The following ODR4 variants were observed in gnomAD, a reference collection of about 807,000 sequenced individuals.
ODR4 encodes the protein odr-4 GPCR localization factor homolog, also known as protein odr-4 homolog.
ODR4 carries 47 observed loss-of-function variants against 60.2 expected under a neutral mutation model. The ratio of observed to expected loss-of-function variants is 0.78; its 90% CI spans 0.62 to 1.00. The LOEUF is 1.00. ODR4 is among the 50% of genes least tolerant of loss of function. The probability of loss-of-function intolerance (pLI) is 0.00; values close to 1 mark genes in which losing one functional copy is unlikely to be tolerated. For synonymous variants in ODR4, 178 were observed against 175.5 expected (o/e 1.01, Z -0.11); for missense variants, 488 against 530.8 (o/e 0.92, Z 0.79).
At chr1:186,422,829 G>A (rs1661816847), downstream of ODR4, among the ~76,000 whole-genome samples, 1 of 152,078 alleles carries the variant, frequency 6.6e-6, no homozygotes, top group South Asian at 2.1e-4. Flanking sequence ...AGGAAATACA[G>A]GAAAGGGAAT....
At chr1:186,394,709 T>C (rs1660605049) in intron 9 of ODR4, among the ~76,000 whole-genome samples, 1 of 152,210 alleles carries the variant, frequency 6.6e-6, no homozygotes, top group South Asian at 2.1e-4. Flanking sequence ...TTTTTTGAAC[T>C]GAATAGAATA....
intron 11 of ODR4, chr1:186,401,368 G>A (rs1456750051): frequency 8.2e-6 from 4 of 485,250 alleles, no homozygotes; most frequent in South Asian, 2.3e-5. Flanking sequence ...CTGTAGTTTG[G>A]TGGAAAGAGC....
At chr1:186,402,834 T>A (rs1661036191) in intron 11 of ODR4, among the ~76,000 whole-genome samples, 1 of 152,070 alleles carries the variant, frequency 6.6e-6, no homozygotes, top group African/African-American at 2.4e-5. Context: ...CCCCAAGCAG[T>A]CCTCCCAAAG....
chr1:186,410,900 A>G (rs1661356307), intron 12 of ODR4, among the ~76,000 whole-genome samples: 1 of 152,104 alleles, frequency 6.6e-6, no homozygotes, highest in Non-Finnish European at 1.5e-5. Context: ...CTGTAAACCC[A>G]GCTACTCAGG....
intron 11 of ODR4, 98 bp from the exon 12 acceptor site, chr1:186,405,985 T>G (rs1290160438): frequency 1.1e-6 from 1 of 872,308 alleles, no homozygotes; most frequent in Non-Finnish European, 1.6e-6. Context: ...CCTTTTAAGC[T>G]TTATTTCTAT....
At chr1:186,423,990 G>A (rs533024374), downstream of ODR4, among the ~76,000 whole-genome samples, 36 of 152,240 alleles carry the variant, frequency 2.4e-4, no homozygotes, top group African/African-American at 8.2e-4. Flanking sequence ...TGAACTGATA[G>A]ACTCTGAGCT....
At chr1:186,433,914 C>G in the ODR4 span, among the ~76,000 whole-genome samples, 1 of 152,106 alleles carries the variant, frequency 6.6e-6, no homozygotes, top group Non-Finnish European at 1.5e-5. Flanking sequence ...TTAGATCAAA[C>G]TTGTTAATTC....
At chr1:186,432,197 G>A in the ODR4 span, among the ~76,000 whole-genome samples, 1 of 152,164 alleles carries the variant, frequency 6.6e-6, no homozygotes, top group East Asian at 1.9e-4. Context: ...CAAACTGTGA[G>A]CTTTATATAT....
chr1:186,433,884 C>T, the ODR4 span, among the ~76,000 whole-genome samples: 2 of 152,008 alleles, frequency 1.3e-5, no homozygotes, highest in Non-Finnish European at 2.9e-5. Context: ...TGGCCAGTTG[C>T]AGTGTTTTTA....
chr1:186,404,218 G>T (rs1661091975), intron 11 of ODR4, among the ~76,000 whole-genome samples: 1 of 152,104 alleles, frequency 6.6e-6, no homozygotes, highest in African/African-American at 2.4e-5. Flanking sequence ...AAAGGATTCT[G>T]CTTTGGAGTG....
chr1:186,424,301 A>G (rs1173115270), downstream of ODR4, among the ~76,000 whole-genome samples: 1 of 152,192 alleles, frequency 6.6e-6, no homozygotes. Flanking sequence ...AGTTTTTATA[A>G]AGCTATAAAA....
intron 8 of ODR4, among the ~76,000 whole-genome samples, chr1:186,392,692 C>T (rs1660513675): frequency 6.7e-6 from 1 of 149,334 alleles, no homozygotes; most frequent in South Asian, 2.1e-4. Flanking sequence ...GTGGCAGGTG[C>T]CTGTAATTGC....
In ODR4 at chr1:186,417,553, G is replaced by A; in HGVS notation, c.1196G>A (p.Ser399Asn). ...TATTATACCCTTTCAGCTTGTATGA[G>A]TTCTTCTATGAATAGTCAAGCTTCA... ...IAEETNTACMSSSMNSQASLD... is the reference protein window; with the variant it reads ...IAEETNTACMNSSMNSQASLD... The change falls in exon 13 of 14, where the codon AGT becomes AAT. Residue 399 changes from serine to asparagine, a missense_variant. Transcript: ENST00000287859. 6.4e-7 allele frequency: 1 copy of A among 1,573,780 alleles called. No homozygotes were observed. The highest frequency in any genetic ancestry group is 1.3e-5 in the African/African-American group (1 of 74,188).
chr1:186,401,459 T>C, intron 11 of ODR4: 1 of 216,818 alleles, frequency 4.6e-6, no homozygotes, highest in South Asian at 7.5e-5. Flanking sequence ...ATAGGCATCG[T>C]CCGTCTTTCT....
chr1:186,392,991 G>A (rs1034308499), intron 8 of ODR4, among the ~76,000 whole-genome samples: 16 of 152,176 alleles, frequency 1.1e-4, no homozygotes, highest in African/African-American at 3.4e-4. Context: ...TGGCTACAGA[G>A]TAAGACTCCA....
downstream of ODR4, among the ~76,000 whole-genome samples, chr1:186,424,071 A>G (rs550146963): frequency 2.0e-5 from 3 of 152,278 alleles, no homozygotes; most frequent in South Asian, 4.1e-4. Flanking sequence ...CTCTACATAA[A>G]TGCCTTAGAG....
chr1:186,379,841 A>G lies in ODR4; in HGVS notation c.56A>G (p.Asn19Ser). The G allele has an allele frequency of 6.2e-7, 1 of 1,609,566 alleles. No individual in the cohort carries two copies. The highest frequency in any genetic ancestry group is 8.5e-7 in the Non-Finnish European group (1 of 1,178,056). Residue 19 changes from asparagine (N) to serine (S), a missense_variant, in exon 2 of 14, where the codon AAT (asparagine) becomes AGT (serine). Transcript: ENST00000287859. The part of the protein sequence containing the change: ...ETVGQYLSNI[N>S]LQGKAFVSGL... ...GTTGGCCAGTATCTTTCAAACATAA[A>G]TCTCCAAGGAAAGGCTTTTGTCTCT... is the stretch of plus-strand genomic sequence containing the variant.
intron 12 of ODR4, among the ~76,000 whole-genome samples, chr1:186,416,882 T>G (rs935562024): frequency 3.4e-5 from 5 of 146,136 alleles, no homozygotes; most frequent in African/African-American, 1.2e-4. Context: ...AAAAAGTAAA[T>G]TAATCTCAAG....
intron 12 of ODR4, among the ~76,000 whole-genome samples, chr1:186,412,071 T>C (rs1356654427): frequency 6.6e-6 from 1 of 152,072 alleles, no homozygotes; most frequent in African/African-American, 2.4e-5. Context: ...AGTGAGTGAG[T>C]GATGTCTGTT....
Sources: gnomAD v4.1 joint callset for allele counts (sites outside exome capture counted in the v4.1 genomes callset) on GRCh38, gnomAD v4.1.1 for gene constraint, MANE v1.5 for transcripts, NCBI Gene and HGNC (gene_info 2026-07-23, HGNC 2026-07-21) for gene names.